The following ZNF195 variants were observed in gnomAD, a reference collection of about 807,000 sequenced individuals.
The protein encoded by ZNF195 is zinc finger protein 195, also known as hypoxia-regulated factor-1.
Under a neutral mutation model 19.5 loss-of-function variants are expected in ZNF195, and 11 were observed. That is an observed-to-expected ratio of 0.57 (90% confidence interval 0.36 to 0.94). ZNF195 has a LOEUF of 0.94. ZNF195 is among the 40% of genes least tolerant of loss of function. ZNF195 has a pLI of 0.01. For missense variants in ZNF195, 582 were observed against 709.0 expected, an observed-to-expected ratio of 0.82 and a Z score of 2.03; for synonymous variants, 214 against 248.1, an observed-to-expected ratio of 0.86 and a Z score of 1.29.
chr11:3,368,855 C>T (rs1463199336), intron 3 of ZNF195: 1 of 455,596 alleles, frequency 2.2e-6, no homozygotes, highest in Non-Finnish European at 4.4e-6. Context: ...AACACTTGGT[C>T]CTGGAGAAAC....
chr11:3,372,222 T>C (rs1425141377), intron 1 of ZNF195, among the ~76,000 whole-genome samples: 2 of 152,202 alleles, frequency 1.3e-5, no homozygotes, highest in Admixed American at 1.3e-4. Context: ...TAAAGAGAGA[T>C]GAGATTCTTC....
chr11:3,378,924 C>T (rs1341935554), intron 1 of ZNF195, 114 bp downstream of exon 1: 2 of 1,241,684 alleles, frequency 1.6e-6, no homozygotes, highest in Non-Finnish European at 2.1e-6. Context: ...CTGGAGGGGC[C>T]TCGGGTCCGC....
In ZNF195 at chr11:3,359,933, A is replaced by C; in HGVS notation, c.1075T>G (p.Cys359Gly). The C allele has an allele frequency of 1.9e-6, 3 of 1,614,146 alleles. No individual in the cohort carries two copies. Among genetic ancestry groups the C allele is most frequent in the Non-Finnish European group, 2.5e-6 (3 of 1,180,028 alleles). ...GAGCAAGAGATAAAGACACTGCTGC[A>C]CTCTTCATATTTGCAGGGTTTTTCC... ...TEEKPCKYEECSSVFISCSSL... is the reference protein window; with the variant it reads ...TEEKPCKYEEGSSVFISCSSL... Residue 359 changes from cysteine to glycine, a missense_variant, in exon 6 of 6, where the codon TGC becomes GGC. Physicochemically the swap from Cys to Gly is radical, Grantham distance 159 (BLOSUM62 -3). Transcript: ENST00000399602. The surrounding 1 kb of genome is among the most constrained non-coding windows in gnomAD (Gnocchi z 5.5).
At chr11:3,375,290 G>A (rs1054804002) in intron 1 of ZNF195, among the ~76,000 whole-genome samples, 1 of 152,020 alleles carries the variant, frequency 6.6e-6, no homozygotes, top group African/African-American at 2.4e-5. Flanking sequence ...AAATCCCAGG[G>A]TTTGTATAAT....
chr11:3,360,588 TC>T (rs1848588645), intron 5 of ZNF195, 23 bp from the exon 6 acceptor site: 1 of 1,549,090 alleles, frequency 6.5e-7, no homozygotes, highest in African/African-American at 1.4e-5. Flanking sequence ...AAAAAAGTTA[TC>T]CGACTTACTA....
At chr11:3,370,789 G>A (rs746342460) in intron 3 of ZNF195, among the ~76,000 whole-genome samples, 186 bp downstream of exon 3, 1 of 152,200 alleles carries the variant, frequency 6.6e-6, no homozygotes, top group Non-Finnish European at 1.5e-5. Context: ...AGGAAGCAGA[G>A]TCTATACAAA....
intron 1 of ZNF195, chr11:3,377,652 C>T (rs577309713): frequency 8.0e-7 from 1 of 1,247,132 alleles, no homozygotes; most frequent in East Asian, 6.0e-5. Context: ...AGATTTCTCT[C>T]AGCCCAGGGC....
intron 3 of ZNF195, among the ~76,000 whole-genome samples, chr11:3,369,655 G>A (rs1467072830): frequency 2.6e-5 from 4 of 152,200 alleles, no homozygotes; most frequent in South Asian, 2.1e-4. Context: ...GAGACTGCAC[G>A]TTCCCCCTCA....
intron 3 of ZNF195, chr11:3,366,803 A>G (rs956578788): frequency 1.3e-5 from 5 of 378,536 alleles, no homozygotes; most frequent in Non-Finnish European, 2.2e-5. Context: ...ACCAGCTCAC[A>G]CCTGGAACCC....
rs1432997076 is a variant in ZNF195, at chr11:3,359,724, A to G, written c.1284T>C (p.His428=). 6 of 1,613,952 alleles carry G rather than the reference A, an allele frequency of 3.7e-6. No homozygotes were observed. Among genetic ancestry groups the G allele is most frequent in the Non-Finnish European group, 4.2e-6 (5 of 1,179,960 alleles). ...GTTTCTCACCAGTGTGAATTCTCTTATGTTTAGTAAGGTCTGAGAACCACT... is the reference window on the plus strand; with the variant it reads ...GTTTCTCACCAGTGTGAATTCTCTTGTGTTTAGTAAGGTCTGAGAACCACT... ...IFKWFSDLTK[H]KRIHTGEKPY... is the part of the protein sequence containing the mutation. Residue 428 remains histidine (H), a synonymous_variant, in exon 6 of 6, where the codon CAT becomes CAC. Coordinates refer to ENST00000399602, the MANE Select transcript of ZNF195 (RefSeq NM_001130520.3). The surrounding 1 kb of genome is among the most constrained non-coding windows in gnomAD (Gnocchi z 5.5).
intron 3 of ZNF195, chr11:3,368,753 C>CAG: frequency 2.2e-6 from 1 of 445,894 alleles, no homozygotes; most frequent in South Asian, 1.6e-5. Context: ...TGGGACAGAA[C>CAG]AGAGAGCCCA....
intron 3 of ZNF195, among the ~76,000 whole-genome samples, chr11:3,366,415 A>G (rs1411046590): frequency 6.6e-6 from 1 of 152,110 alleles, no homozygotes; most frequent in Admixed American, 6.5e-5. Flanking sequence ...AATACCACCT[A>G]AGAAATGGGT....
intron 1 of ZNF195, among the ~76,000 whole-genome samples, chr11:3,376,409 A>G (rs1350396753): frequency 6.6e-6 from 1 of 152,186 alleles, no homozygotes; most frequent in East Asian, 1.9e-4. Context: ...CCACATTCAA[A>G]GCCCAGGCCA....
At position 3,361,811 on chromosome 11, in the gene ZNF195, C is replaced by T. The variant is rs765062349; in HGVS notation, c.305G>A (p.Ser102Asn). The T allele has an allele frequency of 1.1e-6, 1 of 922,614 alleles. No homozygotes were observed. The highest frequency in any genetic ancestry group is 1.6e-6 in the Non-Finnish European group (1 of 641,150). The allele number at this position is 922,614 out of a possible 1,614,324, so 57.2% of individuals were successfully genotyped here. Residue 102 changes from serine (S) to asparagine (N), a missense_variant, in exon 4 of 6, where the codon AGT becomes AAT. Physicochemically the swap from Ser to Asn is conservative, Grantham distance 46. Around this residue, in one of 3 missense-constraint regions of ZNF195, gnomAD observed 129 missense variants for 112.1 expected, o/e 1.15. Coordinates refer to ENST00000399602, the MANE Select transcript of ZNF195 (RefSeq NM_001130520.3). ...SSDLPASASQ[S>N]AGITGVNHRA... ...GTGGTTCACACCTGTAATCCCAGCA[C>T]TTTGGGAGGCTGAGGCAGGCAGATC... is the stretch of plus-strand genomic sequence containing the variant.
chr11:3,366,346 CTG>C (rs1182745976), intron 3 of ZNF195, among the ~76,000 whole-genome samples: 1 of 149,068 alleles, frequency 6.7e-6, no homozygotes, highest in Non-Finnish European at 1.5e-5. Context: ...AACAGAAAAA[CTG>C]AACTACATCA....
intron 1 of ZNF195, among the ~76,000 whole-genome samples, chr11:3,376,475 T>C (rs1849469477): frequency 6.6e-6 from 1 of 152,254 alleles, no homozygotes; most frequent in Non-Finnish European, 1.5e-5. Context: ...TCGATTGCTT[T>C]CTTTTGCAGA....
chr11:3,379,144 A>G lies in ZNF195; in HGVS notation c.-104T>C. On this transcript the variant is annotated 5_prime_UTR_variant, in exon 1 of 6. Transcript: ENST00000399602. ...GGGACACAGAGCCGCGGGGACAGGA[A>G]GTGGAGCTCTGTCGGGACAAAGGCC... 7.3e-7 allele frequency: 1 copy of G among 1,369,990 alleles called. No homozygotes were observed. The allele number at this position is 1,369,990 out of a possible 1,614,324, so 84.9% of individuals were successfully genotyped here.
At chr11:3,377,748 T>TC in intron 1 of ZNF195, 3 of 1,055,790 alleles carry the variant, frequency 2.8e-6, no homozygotes, top group Non-Finnish European at 3.5e-6. Context: ...CACTAGATGC[T>TC]CCAGCAGACA....
chr11:3,362,663 C>A, intron 3 of ZNF195: 3 of 475,852 alleles, frequency 6.3e-6, no homozygotes, highest in Non-Finnish European at 7.7e-6. Context: ...AAGTACAAGA[C>A]ACAAAAAGGA....
Sources: allele counts gnomAD v4.1 joint callset (sites outside exome capture counted in the v4.1 genomes callset), GRCh38; gene constraint gnomAD v4.1.1; regional missense constraint gnomAD v4.1.1; non-coding constraint Gnocchi (gnomAD v3.1); transcripts MANE v1.5; gene names NCBI Gene and HGNC (gene_info 2026-07-23, HGNC 2026-07-21).